PTPRT: variants seen among roughly 807,000 people sequenced by gnomAD.
The protein encoded by PTPRT is receptor-type tyrosine-protein phosphatase T.
PTPRT carries 56 observed loss-of-function variants against 176.8 expected under a neutral mutation model. That is an observed-to-expected ratio of 0.32 (90% CI 0.26 to 0.40). PTPRT has a LOEUF of 0.40. PTPRT is among the 10% of genes least tolerant of loss of function. The probability of loss-of-function intolerance (pLI) is 1.00; values close to 1 mark genes in which losing one functional copy is unlikely to be tolerated. For missense variants in PTPRT, 1,540 were observed against 1,908.2 expected, an observed-to-expected ratio of 0.81 and a Z score of 3.60; for synonymous variants, 783 against 739.0, an observed-to-expected ratio of 1.06 and a Z score of -0.96.
rs552142327 is a variant in PTPRT, at chr20:42,852,257, G to A, written c.214+33550C>T. ...AATTGACATATTTATATGAATACAC[G>A]TTTCCATTCAGAAACATGATATTTT... is the stretch of plus-strand genomic sequence containing the variant. On this transcript the variant is annotated intron_variant, in intron 2 of 30. Coordinates refer to ENST00000373187, the MANE Select transcript of PTPRT (RefSeq NM_007050.6). Among the ~76,000 whole-genome samples the A allele has an allele frequency of 3.3e-5, 5 of 152,092 alleles. No homozygotes were observed. The East Asian group carries it at 5.8e-4, about 18-fold the overall frequency.
chr20:42,115,257 G>T lies in PTPRT; in HGVS notation c.3041C>A (p.Thr1014Asn). 6.2e-7 allele frequency: 1 copy of T among 1,614,174 alleles called. No homozygotes were observed. The highest frequency in any genetic ancestry group is 1.6e-4 in the Middle Eastern group (1 of 6,062). The change falls in exon 22 of 31, where the codon ACC becomes AAC. Residue 1014 changes from threonine (T) to asparagine (N), a missense_variant. Physicochemically the swap from Thr to Asn is moderately conservative, Grantham distance 65. Transcript: ENST00000373187. ...TGCCAGGGGCTCTGTTTCAATCAGG[G>T]TGACTTTAATGTCTCCGTAGACCTC... ...DTEVYGDIKV[T>N]LIETEPLAEY... is the part of the protein sequence containing the mutation.
chr20:42,658,974 T>A (rs542391879), intron 7 of PTPRT, among the ~76,000 whole-genome samples: 1 of 152,296 alleles, frequency 6.6e-6, no homozygotes, highest in African/African-American at 2.4e-5. Context: ...AAGTAAACCC[T>A]AATGGAAAGA....
At chr20:42,886,948 G>A (rs1323693299) in intron 1 of PTPRT, among the ~76,000 whole-genome samples, 1 of 152,188 alleles carries the variant, frequency 6.6e-6, no homozygotes, top group African/African-American at 2.4e-5. Flanking sequence ...GTGCACAAAT[G>A]CAGGGAGGCA....
chr20:42,742,829 G>A (rs982382274), intron 6 of PTPRT, among the ~76,000 whole-genome samples: 2 of 152,134 alleles, frequency 1.3e-5, no homozygotes, highest in Non-Finnish European at 2.9e-5. Flanking sequence ...TCTACAGATG[G>A]AGAAACTGAG....
chr20:42,421,322 A>G (rs929909678), intron 9 of PTPRT, among the ~76,000 whole-genome samples: 1 of 151,194 alleles, frequency 6.6e-6, no homozygotes, highest in Non-Finnish European at 1.5e-5. Context: ...TGCCAAGTGC[A>G]GCAGGTTGGG....
chr20:42,594,353 G>C (rs546598237), intron 7 of PTPRT, among the ~76,000 whole-genome samples: 1 of 152,030 alleles, frequency 6.6e-6, no homozygotes, highest in Non-Finnish European at 1.5e-5. Flanking sequence ...AAATTGGTTC[G>C]TGAAACAGAC....
Position 42,080,651 on chromosome 20 carries a change from G to C in PTPRT, c.*228C>G, listed in dbSNP as rs933183609. ...CTGCTTGGGCCCTTGGCTGTGGCTG[G>C]TTAGGTTGAAAAGGAAGCCTGGGCC... is the stretch of plus-strand genomic sequence containing the variant. On this transcript the variant is annotated 3_prime_UTR_variant, in exon 31 of 31. Coordinates refer to ENST00000373187, the MANE Select transcript of PTPRT (RefSeq NM_007050.6). 12 of 406,400 alleles carry C rather than the reference G, an allele frequency of 3.0e-5. No individual in the cohort carries two copies. The highest frequency in any genetic ancestry group is 4.9e-5 in the Non-Finnish European group (11 of 222,600). The allele number at this position is 406,400 out of a possible 1,614,324, so 25.2% of individuals were successfully genotyped here.
At chr20:43,174,309 C>A (rs2015075371) in intron 1 of PTPRT, among the ~76,000 whole-genome samples, 1 of 152,164 alleles carries the variant, frequency 6.6e-6, no homozygotes, top group African/African-American at 2.4e-5. Flanking sequence ...TTTTGATGAT[C>A]ATTATACCTA....
At chr20:42,903,503 T>A (rs1380023268) in intron 1 of PTPRT, among the ~76,000 whole-genome samples, 1 of 152,246 alleles carries the variant, frequency 6.6e-6, no homozygotes, top group African/African-American at 2.4e-5. Context: ...GATAATAGCA[T>A]CCGGCGTTCT....
At chr20:42,966,776 C>T (rs985855411) in intron 1 of PTPRT, among the ~76,000 whole-genome samples, 2 of 152,138 alleles carry the variant, frequency 1.3e-5, no homozygotes, top group Non-Finnish European at 2.9e-5. Flanking sequence ...TTCCATTGTA[C>T]GTGATCATCA....
At chr20:42,890,562 C>T (rs947225340) in intron 1 of PTPRT, among the ~76,000 whole-genome samples, 1 of 152,156 alleles carries the variant, frequency 6.6e-6, no homozygotes, top group African/African-American at 2.4e-5. Flanking sequence ...GCAGTCAGCA[C>T]AAGTACAGGC....
chr20:42,669,237 C>A (rs1437397804), intron 7 of PTPRT, among the ~76,000 whole-genome samples: 1 of 152,104 alleles, frequency 6.6e-6, no homozygotes, highest in East Asian at 1.9e-4. Context: ...TCTGTGACTG[C>A]CTTCAATCTA....
At chr20:42,178,200 T>A (rs1212550254) in intron 16 of PTPRT, among the ~76,000 whole-genome samples, 1 of 152,162 alleles carries the variant, frequency 6.6e-6, no homozygotes, top group African/African-American at 2.4e-5. Context: ...CCTCCCAAAG[T>A]GCTGGGATTA....
chr20:42,130,693 C>A (rs1988083351), intron 18 of PTPRT, among the ~76,000 whole-genome samples: 1 of 152,182 alleles, frequency 6.6e-6, no homozygotes, highest in African/African-American at 2.4e-5. Flanking sequence ...GGCAGGCAGG[C>A]ACTGTGCTAG....
At chr20:42,470,411 C>T (rs2071172583) in intron 8 of PTPRT, among the ~76,000 whole-genome samples, 1 of 152,118 alleles carries the variant, frequency 6.6e-6, no homozygotes, top group Admixed American at 6.5e-5. Flanking sequence ...TTGGCTTTCT[C>T]CCCTTCCTTG....
At chr20:42,667,705 G>A (rs1048258346) in intron 7 of PTPRT, among the ~76,000 whole-genome samples, 3 of 152,110 alleles carry the variant, frequency 2.0e-5, no homozygotes, top group Admixed American at 1.3e-4. Flanking sequence ...TGCTGCTTGC[G>A]GAGTTCAATT....
Position 42,488,633 on chromosome 20 carries a change from T to C in PTPRT, c.1154-16071A>G, listed in dbSNP as rs189818209. On this transcript the variant is annotated intron_variant, in intron 7 of 30. Transcript: ENST00000373187. Reference sequence around the variant, plus strand: ...TAGGGGTTTTTTTTGTTCATGATAATCTCTAATAAGTAAGAGTCCTTTATT... The same window carrying C: ...TAGGGGTTTTTTTTGTTCATGATAACCTCTAATAAGTAAGAGTCCTTTATT... Among the ~76,000 whole-genome samples, 137 of 152,220 alleles carry C rather than the reference T, an allele frequency of 9.0e-4. 1 individual carries two copies. Among genetic ancestry groups the C allele is most frequent in the Non-Finnish European group, 1.2e-3 (83 of 68,012 alleles).
intron 8 of PTPRT, among the ~76,000 whole-genome samples, chr20:42,452,027 T>C (rs2070839710): frequency 6.6e-6 from 1 of 152,088 alleles, no homozygotes; most frequent in Non-Finnish European, 1.5e-5. Flanking sequence ...TCCCAGCACT[T>C]TGAGAGGCCA....
intron 2 of PTPRT, among the ~76,000 whole-genome samples, chr20:42,858,224 G>A (rs1425353638): frequency 6.6e-6 from 1 of 152,172 alleles, no homozygotes; most frequent in African/African-American, 2.4e-5. Context: ...AAAATGGTAA[G>A]GAAGACATTA....
Sources: gnomAD v4.1 joint callset for allele counts (sites outside exome capture counted in the v4.1 genomes callset) on GRCh38, gnomAD v4.1.1 for gene constraint, MANE v1.5 for transcripts, NCBI Gene and HGNC (gene_info 2026-07-23, HGNC 2026-07-21) for gene names.